Variants in RAB5A observed in about 807,000 individuals in gnomAD.
RAB5A encodes RAB5A, member RAS oncogene family, also known as ras-related protein Rab-5A.
RAB5A carries 8 observed loss-of-function variants against 25.7 expected under a neutral mutation model. The ratio of observed to expected loss-of-function variants is 0.31; its 90% CI spans 0.18 to 0.56. RAB5A has a LOEUF of 0.56. RAB5A is among the 20% of genes least tolerant of loss of function. RAB5A has a pLI of 0.91. For synonymous variants in RAB5A, 98 were observed against 89.8 expected (o/e 1.09, Z -0.52); for missense variants, 192 against 259.7 (o/e 0.74, Z 1.79).
intron 2 of RAB5A, among the ~76,000 whole-genome samples, chr3:19,959,817 C>G (rs6550238): frequency 0.99 from 150,874 of 152,106 alleles, 74,824 homozygotes; most frequent in East Asian, 1. Context: ...GTAGAGGCGA[C>G]GTCTTGCTGT....
At chr3:19,972,311 C>T (rs1048385979) in intron 2 of RAB5A, among the ~76,000 whole-genome samples, 45 of 152,266 alleles carry the variant, frequency 3.0e-4, no homozygotes, top group African/African-American at 1.1e-3. Flanking sequence ...TGGTTCCAAG[C>T]ATTTCAGATA....
At chr3:19,966,985 G>A (rs1018983554) in intron 2 of RAB5A, among the ~76,000 whole-genome samples, 4 of 152,126 alleles carry the variant, frequency 2.6e-5, no homozygotes, top group Non-Finnish European at 5.9e-5. Flanking sequence ...TAGAGACAGA[G>A]TCTCACTATA....
At chr3:19,973,163 C>T (rs1380300669) in intron 2 of RAB5A, among the ~76,000 whole-genome samples, 3 of 152,078 alleles carry the variant, frequency 2.0e-5, no homozygotes, top group African/African-American at 7.2e-5. Context: ...CTTGAGCATC[C>T]TCAGATTTTG....
intron 1 of RAB5A, among the ~76,000 whole-genome samples, chr3:19,949,234 T>C (rs1053114421): frequency 7.2e-5 from 11 of 152,172 alleles, no homozygotes; most frequent in Admixed American, 6.5e-5. Flanking sequence ...CAGTATGTAA[T>C]GGTAAAAGAT....
At chr3:19,976,955 A>T (rs1575076637) in intron 4 of RAB5A, among the ~76,000 whole-genome samples, 1 of 152,262 alleles carries the variant, frequency 6.6e-6, no homozygotes, top group African/African-American at 2.4e-5. Context: ...TAATTAAAAA[A>T]AATTTTTTTA....
intron 2 of RAB5A, among the ~76,000 whole-genome samples, chr3:19,951,607 A>C (rs763551681): frequency 1.5e-4 from 23 of 151,780 alleles, no homozygotes; most frequent in Non-Finnish European, 2.5e-4. Flanking sequence ...CTCACTGCAG[A>C]CTGCAGCCTG....
At chr3:19,977,812 A>T (rs765967358) in intron 4 of RAB5A, among the ~76,000 whole-genome samples, 40 of 152,238 alleles carry the variant, frequency 2.6e-4, no homozygotes, top group Non-Finnish European at 4.4e-4. Flanking sequence ...TAGGGCAGTG[A>T]TGTAATTTTC....
intron 4 of RAB5A, among the ~76,000 whole-genome samples, chr3:19,977,994 G>A (rs1696852683): frequency 6.6e-6 from 1 of 152,204 alleles, no homozygotes; most frequent in Non-Finnish European, 1.5e-5. Flanking sequence ...ATCAAAGAGA[G>A]TTTTATTTAG....
chr3:19,969,242 C>T (rs1407524520), intron 2 of RAB5A, among the ~76,000 whole-genome samples: 1 of 151,968 alleles, frequency 6.6e-6, no homozygotes, highest in Non-Finnish European at 1.5e-5. Flanking sequence ...GACAGGGTTT[C>T]ACCATGTTCC....
chr3:19,983,323 G>GT, intron 5 of RAB5A, among the ~76,000 whole-genome samples: 2 of 139,212 alleles, frequency 1.4e-5, no homozygotes. Context: ...GTGAGCCTGG[G>GT]TGACAGAGTG....
At chr3:19,976,862 G>A (rs1049119683) in intron 4 of RAB5A, among the ~76,000 whole-genome samples, 7 of 152,070 alleles carry the variant, frequency 4.6e-5, no homozygotes, top group Non-Finnish European at 1.0e-4. Flanking sequence ...AAACACTTAT[G>A]TGGTTGTTCT....
At chr3:19,957,969 T>G (rs1051868090) in intron 2 of RAB5A, among the ~76,000 whole-genome samples, 1 of 152,214 alleles carries the variant, frequency 6.6e-6, no homozygotes, top group African/African-American at 2.4e-5. Context: ...GTTTTTCCAG[T>G]AGTAGAAAGC....
chr3:19,979,990 C>T (rs562840775), intron 5 of RAB5A: 34 of 152,164 alleles, frequency 2.2e-4, no homozygotes, highest in Non-Finnish European at 4.1e-4. Flanking sequence ...TATTATTTTT[C>T]ACTAGGTGAC....
chr3:19,949,264 TGTTTA>T (rs1475150386), intron 1 of RAB5A, among the ~76,000 whole-genome samples: 6 of 152,218 alleles, frequency 3.9e-5, no homozygotes, highest in Non-Finnish European at 2.9e-5. Context: ...AAAAAGCTGG[TGTTTA>T]GTTAAGGCAA....
rs371803187 is a variant in RAB5A, at chr3:19,959,600, T to C, written c.163+8539T>C. On this transcript the variant is annotated intron_variant, in intron 2 of 5. Coordinates refer to ENST00000273047, the MANE Select transcript of RAB5A (RefSeq NM_004162.5). ...TATTCTGGCTGCATTTACTCTTCTTTTGCTAGCTTTCTGGTTGTGTTCTGA... is the reference window on the plus strand; with the variant it reads ...TATTCTGGCTGCATTTACTCTTCTTCTGCTAGCTTTCTGGTTGTGTTCTGA... Among the ~76,000 whole-genome samples the C allele has an allele frequency of 2.2e-4, 33 of 151,448 alleles. 1 individual carries two copies. In the South Asian group the frequency reaches 2.9e-3, roughly 13 times the overall value.
intron 5 of RAB5A, among the ~76,000 whole-genome samples, chr3:19,983,029 A>G (rs1696961578): frequency 6.6e-6 from 1 of 152,124 alleles, no homozygotes; most frequent in Non-Finnish European, 1.5e-5. Context: ...ATTGACTTAG[A>G]TTTTATTTAA....
At chr3:19,974,963 C>T (rs1162668519) in intron 2 of RAB5A, among the ~76,000 whole-genome samples, 1 of 152,058 alleles carries the variant, frequency 6.6e-6, no homozygotes, top group Non-Finnish European at 1.5e-5. Context: ...TGGTGGCTTA[C>T]GCCTGTCATC....
At chr3:19,975,444 T>TC (rs1002109452) in intron 2 of RAB5A, 157 bp from the exon 3 acceptor site, 45 of 617,784 alleles carry the variant, frequency 7.3e-5, no homozygotes, top group Middle Eastern at 4.7e-4. Context: ...TCTTTTTTTT[T>TC]CCCCCCTCAT....
At chr3:19,969,788 T>C (rs1352982184) in intron 2 of RAB5A, among the ~76,000 whole-genome samples, 1 of 152,178 alleles carries the variant, frequency 6.6e-6, no homozygotes, top group Non-Finnish European at 1.5e-5. Context: ...ATTTTAGTTA[T>C]GGGGTGGCGG....
Sources: allele counts gnomAD v4.1 joint callset (sites outside exome capture counted in the v4.1 genomes callset), GRCh38; gene constraint gnomAD v4.1.1; transcripts MANE v1.5; gene names NCBI Gene and HGNC (gene_info 2026-07-23, HGNC 2026-07-21).